KMT5B: variants seen among roughly 807,000 people sequenced by gnomAD.
KMT5B encodes lysine methyltransferase 5B, also known as histone-lysine N-methyltransferase KMT5B.
Under a neutral mutation model 83.2 loss-of-function variants are expected in KMT5B, and 10 were observed. That is an observed-to-expected ratio of 0.12 (90% confidence interval 0.07 to 0.20). The LOEUF (loss-of-function observed/expected upper bound fraction) is 0.20, where lower values mean the gene tolerates loss of function less well. KMT5B is among the 10% of genes least tolerant of loss of function. The pLI is 1.00. For synonymous variants in KMT5B, 349 were observed against 388.8 expected (o/e 0.90, Z 1.20); for missense variants, 753 against 1,067.2 (o/e 0.71, Z 4.10).
intron 1 of KMT5B, among the ~76,000 whole-genome samples, chr11:68,196,670 G>A (rs987567640): frequency 5.9e-5 from 9 of 151,728 alleles, no homozygotes; most frequent in Admixed American, 2.0e-4. Context: ...CAGAAACAAG[G>A]CAGGAATCAC....
At position 68,198,737 on chromosome 11, in the gene KMT5B, C is replaced by CT. The variant is rs796359312; in HGVS notation, c.-76-8586dup. On this transcript the variant is annotated intron_variant, in intron 1 of 10. Coordinates refer to ENST00000304363, the MANE Select transcript of KMT5B (RefSeq NM_017635.5). ...CATTTCAAGAAAGTACTGACTGCTT[C>CT]TTTTTTTTTTGAGACGGAGTCTCGC... 1.7e-3 allele frequency among the ~76,000 whole-genome samples: 262 copies of CT among 150,180 alleles called. 1 individual carries two copies. The highest frequency in any genetic ancestry group is 5.3e-3 in the African/African-American group (217 of 41,080).
chr11:68,192,565 G>A (rs1432679717), intron 1 of KMT5B, among the ~76,000 whole-genome samples: 2 of 152,280 alleles, frequency 1.3e-5, no homozygotes, highest in East Asian at 3.9e-4. Flanking sequence ...CAAACTACAT[G>A]TTTTGGTAAT....
In KMT5B at chr11:68,183,665, C is replaced by CT. The variant is rs373952720; in HGVS notation, c.308+2115dup. Among the ~76,000 whole-genome samples, 797 of 126,504 alleles carry CT rather than the reference C, an allele frequency of 6.3e-3. 5 individuals are homozygous for CT. The highest frequency in any genetic ancestry group is 0.016 in the African/African-American group (546 of 34,252). The allele number at this position is 126,504 out of a possible 152,430, so 83.0% of individuals were successfully genotyped here. ...TGAGCTACCATGCCCAGTCCTGTAT[C>CT]TTTTTTTTTTTTTTGAGGCAGTCTC... On this transcript the variant is annotated intron_variant, in intron 3 of 10. Coordinates refer to ENST00000304363, the MANE Select transcript of KMT5B (RefSeq NM_017635.5).
Position 68,157,681 on chromosome 11 carries a change from C to T in KMT5B, c.*7G>A. On this transcript the variant is annotated 3_prime_UTR_variant, in exon 11 of 11. Transcript: ENST00000304363. ...TAGTTATCCCAGGTCAAGTTAAGAC[C>T]AAGAGCTTAGGCATTAAGCCTTAAA... is the stretch of plus-strand genomic sequence containing the variant. The T allele has an allele frequency of 1.3e-6, 2 of 1,531,706 alleles. No homozygotes were observed. The highest frequency in any genetic ancestry group is 2.3e-5 in the East Asian group (1 of 43,852). The allele number at this position is 1,531,706 out of a possible 1,614,324, so 94.9% of individuals were successfully genotyped here.
intron 3 of KMT5B, among the ~76,000 whole-genome samples, chr11:68,185,320 C>T (rs1857342546): frequency 6.6e-6 from 1 of 152,202 alleles, no homozygotes; most frequent in Admixed American, 6.5e-5. Context: ...ATTCTCCTGC[C>T]TCAGCCTCCC....
chr11:68,162,984 C>T (rs1488215802), intron 10 of KMT5B, among the ~76,000 whole-genome samples: 1 of 152,154 alleles, frequency 6.6e-6, no homozygotes, highest in African/African-American at 2.4e-5. Flanking sequence ...GAATTTCAGA[C>T]AGTGAAGGCT....
chr11:68,200,246 T>C (rs1411461672), intron 1 of KMT5B, among the ~76,000 whole-genome samples: 1 of 152,088 alleles, frequency 6.6e-6, no homozygotes, highest in Non-Finnish European at 1.5e-5. Context: ...TTAACATGTA[T>C]AGGTCAAGAG....
intron 1 of KMT5B, among the ~76,000 whole-genome samples, chr11:68,191,994 TAACA>T (rs987001278): frequency 6.6e-6 from 1 of 152,184 alleles, no homozygotes; most frequent in Non-Finnish European, 1.5e-5. Context: ...TATGTTTAGA[TAACA>T]AATAATATTG....
chr11:68,181,029 A>G (rs1856866415), intron 3 of KMT5B, among the ~76,000 whole-genome samples: 1 of 151,744 alleles, frequency 6.6e-6, no homozygotes. Context: ...AAACATAGCC[A>G]GTTTTGAAAA....
chr11:68,184,713 T>A (rs1411715181), intron 3 of KMT5B, among the ~76,000 whole-genome samples: 2 of 152,216 alleles, frequency 1.3e-5, no homozygotes, highest in Non-Finnish European at 2.9e-5. Context: ...CCTGCTGTTA[T>A]GCTTTTCCAC....
intron 9 of KMT5B, among the ~76,000 whole-genome samples, chr11:68,168,337 ATTT>A (rs879352613): frequency 2.2e-5 from 3 of 138,884 alleles, no homozygotes; most frequent in Admixed American, 1.4e-4. Context: ...TGTTATTAGA[ATTT>A]TTTTTTTTTT....
intron 9 of KMT5B, among the ~76,000 whole-genome samples, chr11:68,169,648 G>C (rs952318549): frequency 3.3e-5 from 5 of 152,126 alleles, no homozygotes; most frequent in African/African-American, 9.7e-5. Flanking sequence ...GGAAATTAAG[G>C]CACAAAGCAG....
chr11:68,190,808 C>A (rs1185538974), intron 1 of KMT5B, among the ~76,000 whole-genome samples: 3 of 152,092 alleles, frequency 2.0e-5, no homozygotes, highest in African/African-American at 7.2e-5. Context: ...CATGGCAAGA[C>A]CCTGCCTCTA....
At chr11:68,181,308 C>T (rs191304940) in intron 3 of KMT5B, among the ~76,000 whole-genome samples, 3 of 152,172 alleles carry the variant, frequency 2.0e-5, no homozygotes, top group East Asian at 3.9e-4. Context: ...CACCTGACCT[C>T]GTGATCCACC....
intron 10 of KMT5B, among the ~76,000 whole-genome samples, chr11:68,164,445 C>T (rs926734177): frequency 6.6e-6 from 1 of 152,190 alleles, no homozygotes; most frequent in Non-Finnish European, 1.5e-5. Context: ...GCTTCCAGAA[C>T]CTTTCTTTCA....
intron 1 of KMT5B, among the ~76,000 whole-genome samples, chr11:68,212,010 T>C (rs1860971472): frequency 6.6e-6 from 1 of 152,226 alleles, no homozygotes; most frequent in South Asian, 2.1e-4. Context: ...CGGCAATTTA[T>C]GTATTTCAAC....
At chr11:68,209,531 CCAG>C (rs1490973815) in intron 1 of KMT5B, among the ~76,000 whole-genome samples, 6 of 152,262 alleles carry the variant, frequency 3.9e-5, no homozygotes, top group African/African-American at 1.4e-4. Context: ...GATGTGCTGA[CCAG>C]GCATTCCTAT....
At chr11:68,209,409 T>C (rs917563190) in intron 1 of KMT5B, among the ~76,000 whole-genome samples, 1 of 151,864 alleles carries the variant, frequency 6.6e-6, no homozygotes, top group African/African-American at 2.4e-5. Flanking sequence ...AACAGATGCA[T>C]AAGGGGAAAA....
chr11:68,185,031 A>G (rs1591002845), intron 3 of KMT5B, among the ~76,000 whole-genome samples: 1 of 152,338 alleles, frequency 6.6e-6, no homozygotes, highest in East Asian at 1.9e-4. Flanking sequence ...TGAATCCCAA[A>G]GATTAAACAT....
Sources: gnomAD v4.1 joint callset for allele counts (sites outside exome capture counted in the v4.1 genomes callset) on GRCh38, gnomAD v4.1.1 for gene constraint, MANE v1.5 for transcripts, NCBI Gene and HGNC (gene_info 2026-07-23, HGNC 2026-07-21) for gene names.